Variants in KIF5A observed in about 807,000 individuals in gnomAD.
KIF5A encodes kinesin heavy chain isoform 5A.
A neutral mutation model predicts 141.3 loss-of-function variants in KIF5A; 35 were observed. The observed-to-expected ratio is 0.25, with a 90% CI of 0.19 to 0.33. KIF5A has a LOEUF of 0.33. KIF5A is among the 10% of genes least tolerant of loss of function. The pLI, the probability that KIF5A is intolerant of heterozygous loss-of-function variation, is 1.00. For synonymous variants in KIF5A, 448 were observed against 500.2 expected (o/e 0.90, Z 1.39); for missense variants, 861 against 1,314.3 (o/e 0.66, Z 5.33).
At chr12:57,578,921 G>A (rs535182717) in intron 23 of KIF5A, among the ~76,000 whole-genome samples, 8 of 152,198 alleles carry the variant, frequency 5.3e-5, no homozygotes, top group South Asian at 2.1e-4. Flanking sequence ...AAAATTAGCC[G>A]GATGTGGTGG....
At chr12:57,578,121 C>A (rs752650974) in intron 22 of KIF5A, 41 bp downstream of exon 22, 13 of 1,591,390 alleles carry the variant, frequency 8.2e-6, no homozygotes, top group Non-Finnish European at 1.1e-5. Flanking sequence ...CCCACATCCT[C>A]CTCCTATCCT....
At chr12:57,579,897 C>CA (rs1565704087) in intron 23 of KIF5A, among the ~76,000 whole-genome samples, 1 of 151,582 alleles carries the variant, frequency 6.6e-6, no homozygotes, top group Non-Finnish European at 1.5e-5. Context: ...TTCAAAGTCC[C>CA]AAAAAAACAA....
intron 9 of KIF5A, 41 bp downstream of exon 9, chr12:57,569,108 C>A (rs758722162): frequency 6.4e-7 from 1 of 1,564,414 alleles, no homozygotes; most frequent in Non-Finnish European, 8.8e-7. Flanking sequence ...AAGCCACACC[C>A]CATCTCCTCC....
rs755635476 is a variant in KIF5A, at chr12:57,572,610, C to A, written c.1600C>A (p.Gln534Lys). The part of the protein sequence containing the change: ...ATMLSLESEL[Q>K]RLQEVSGHQR... ...CATGCTGTCCCTGGAGTCTGAGTTGCAGCGGCTACAGGAGGTCAGTGGACA... is the reference window on the plus strand; with the variant it reads ...CATGCTGTCCCTGGAGTCTGAGTTGAAGCGGCTACAGGAGGTCAGTGGACA... Residue 534 changes from glutamine to lysine, a missense_variant, in exon 15 of 29, where the codon CAG becomes AAG. Physicochemically the swap from Gln to Lys is moderately conservative, Grantham distance 53. Around this residue, in one of 5 missense-constraint regions of KIF5A, gnomAD observed 482 missense variants for 661.3 expected, o/e 0.73. Transcript: ENST00000455537. This position sits in a 1 kb window ranked among gnomAD's most constrained non-coding sequence, Gnocchi z 4.2. The A allele has an allele frequency of 1.2e-6, 2 of 1,614,122 alleles. No individual in the cohort carries two copies. Among genetic ancestry groups the A allele is most frequent in the African/African-American group, 2.7e-5 (2 of 74,952 alleles).
rs761034249 is a variant in KIF5A, at chr12:57,563,699, G to C, written c.291+6G>C. On this transcript the variant is annotated splice_donor_region_variant and intron_variant, in intron 3 of 28. Transcript: ENST00000455537. Reference sequence around the variant, plus strand: ...GGAAAACACATACCATGGAGGTGAGGGTTCTGGCTTTGGTGGTTGAGGGGC... The same window carrying C: ...GGAAAACACATACCATGGAGGTGAGCGTTCTGGCTTTGGTGGTTGAGGGGC... The C allele has an allele frequency of 8.1e-6, 13 of 1,613,438 alleles. No individual in the cohort carries two copies. The East Asian group carries it at 2.9e-4, about 36-fold the overall frequency.
At position 57,567,618 on chromosome 12, in the gene KIF5A, G is replaced by T; in HGVS notation, c.714G>T (p.Lys238Asn). The T allele has an allele frequency of 6.2e-7, 1 of 1,611,970 alleles. No homozygotes were observed. Among genetic ancestry groups the T allele is most frequent in the South Asian group, 1.1e-5 (1 of 90,930 alleles). ...LYLVDLAGSEKVSKTGAEGAV... is the reference protein window; with the variant it reads ...LYLVDLAGSENVSKTGAEGAV... ...TGGTGGACCTGGCAGGGAGTGAGAA[G>T]GTAGGGGGTCCTGTGGATATGGGGT... Residue 238 changes from lysine to asparagine, a missense_variant and splice_region_variant, in exon 8 of 29, where the codon AAG becomes AAT. Lys to Asn is a moderately conservative substitution (Grantham distance 94). Transcript: ENST00000455537.
rs145672138 is a variant in KIF5A at position 57,563,087 on chromosome 12, A to G, written c.130-352A>G. Among the ~76,000 whole-genome samples, 1,356 of 150,796 alleles carry G rather than the reference A, an allele frequency of 9.0e-3. 22 individuals carry two copies. Among genetic ancestry groups the G allele is most frequent in the African/African-American group, 0.031 (1,273 of 41,020 alleles). On this transcript the variant is annotated intron_variant, in intron 1 of 28. Coordinates refer to ENST00000455537, the MANE Select transcript of KIF5A (RefSeq NM_004984.4). ...AGTGGCGCAATCTCGGCTCACTGCA[A>G]CCTCTGCCTCTCGGGTTCAAGCGAT...
intron 1 of KIF5A, among the ~76,000 whole-genome samples, chr12:57,557,885 G>A (rs904956130): frequency 6.6e-6 from 1 of 151,894 alleles, no homozygotes; most frequent in African/African-American, 2.4e-5. Context: ...TTTAACTTTC[G>A]AATGTCTTAC....
In KIF5A at chr12:57,585,831, T is replaced by C. The variant is rs868209463; in HGVS notation, c.*1650T>C. 4.6e-5 allele frequency: 7 copies of C among 151,858 alleles called. No homozygotes were observed. Among genetic ancestry groups the C allele is most frequent in the African/African-American group, 1.7e-4 (7 of 41,306 alleles). The allele number at this position is 151,858 out of a possible 1,614,324, so 9.4% of individuals were successfully genotyped here. A position where few individuals can be genotyped will look rare whatever the true frequency, so the allele number is the denominator to read the frequency against. On this transcript the variant is annotated 3_prime_UTR_variant, in exon 29 of 29. Coordinates refer to ENST00000455537, the MANE Select transcript of KIF5A (RefSeq NM_004984.4). ...GGAGTGTGGAATAAATCCAAAGCAG[T>C]GATTTTTAAATGTTTTTCAAAAACA...
chr12:57,553,480 T>G (rs1452986970), intron 1 of KIF5A, among the ~76,000 whole-genome samples: 1 of 152,120 alleles, frequency 6.6e-6, no homozygotes, highest in Non-Finnish European at 1.5e-5. Context: ...TGTCCTTTGC[T>G]TTGGGGGAGT....
At chr12:57,574,377 ATTC>A (rs1882356433) in intron 15 of KIF5A, among the ~76,000 whole-genome samples, 1 of 149,842 alleles carries the variant, frequency 6.7e-6, no homozygotes, top group Non-Finnish European at 1.5e-5. Context: ...GGTTCAAGCA[ATTC>A]TTCTGCTTCA....
Position 57,575,747 on chromosome 12 carries a change from C to T in KIF5A, c.2013C>T (p.Leu671=). 1 of 1,612,962 alleles carries T rather than the reference C, an allele frequency of 6.2e-7. No homozygotes were observed. The highest frequency in any genetic ancestry group is 8.5e-7 in the Non-Finnish European group (1 of 1,178,926). ...CCTTGAGCGATGAGCTGGCCAAGCTCCAGGCCCAGGGTGAGGCCTTCTTAT... is the reference window on the plus strand; with the variant it reads ...CCTTGAGCGATGAGCTGGCCAAGCTTCAGGCCCAGGGTGAGGCCTTCTTAT... The part of the protein sequence containing the change: ...YDSLSDELAK[L]QAQETVHEVA... The change falls in exon 17 of 29, where the codon CTC becomes CTT. Residue 671 remains leucine, a synonymous_variant. Coordinates refer to ENST00000455537, the MANE Select transcript of KIF5A (RefSeq NM_004984.4).
chr12:57,575,777 C>T lies in KIF5A; in HGVS notation c.2023+20C>T, dbSNP rs769235276. ...CCCAGGGTGAGGCCTTCTTATACCT[C>T]CATCCCACTGTCCAGGGCAGAAAAG... On this transcript the variant is annotated intron_variant, in intron 17 of 28. Coordinates refer to ENST00000455537, the MANE Select transcript of KIF5A (RefSeq NM_004984.4). 3.3e-6 allele frequency: 5 copies of T among 1,508,764 alleles called. No homozygotes were observed. In the South Asian group the frequency reaches 5.6e-5, roughly 17 times the overall value. The allele number at this position is 1,508,764 out of a possible 1,614,324, so 93.5% of individuals were successfully genotyped here.
At chr12:57,582,701 C>T (rs1246357160) in intron 27 of KIF5A, 72 bp downstream of exon 27, 1 of 1,285,958 alleles carries the variant, frequency 7.8e-7, no homozygotes, top group Non-Finnish European at 1.1e-6. Context: ...CCCTTGTGCC[C>T]CACTTGGAGG....
At position 57,550,227 on chromosome 12, in the gene KIF5A, C is replaced by T. The variant is rs760763129; in HGVS notation, c.-45C>T. The T allele has an allele frequency of 2.4e-5, 39 of 1,612,610 alleles. No homozygotes were observed. The highest frequency in any genetic ancestry group is 3.2e-5 in the Non-Finnish European group (38 of 1,179,804). ...GCCCTCTCCTCTGGAGCACACACCA[C>T]CCCTGCAGCCCAAGAAGAGTCCCAG... On this transcript the variant is annotated 5_prime_UTR_variant, in exon 1 of 29. Transcript: ENST00000455537. This position sits in a 1 kb window ranked among gnomAD's most constrained non-coding sequence, Gnocchi z 4.6.
At position 57,550,437 on chromosome 12, in the gene KIF5A, A is replaced by T; in HGVS notation, c.129+37A>T. 8 of 1,610,742 alleles carry T rather than the reference A, an allele frequency of 5.0e-6. No homozygotes were observed. The highest frequency in any genetic ancestry group is 6.8e-6 in the Non-Finnish European group (8 of 1,177,634). On this transcript the variant is annotated intron_variant, in intron 1 of 28. Transcript: ENST00000455537. This position sits in a 1 kb window ranked among gnomAD's most constrained non-coding sequence, Gnocchi z 4.6. ...CCAGGAGGGAATTCGGGGAGGGGGC[A>T]GGTGGCTGAATCTCCCCGCCCCCCG...
At chr12:57,563,416 G>A in intron 1 of KIF5A, 23 bp from the exon 2 acceptor site, 1 of 1,563,770 alleles carries the variant, frequency 6.4e-7, no homozygotes, top group Non-Finnish European at 8.8e-7. Context: ...GTTGACGTCT[G>A]ATATCTTTTA....
intron 20 of KIF5A, 38 bp from the exon 21 acceptor site, chr12:57,577,675 G>C: frequency 6.6e-7 from 1 of 1,520,142 alleles, no homozygotes; most frequent in Non-Finnish European, 9.1e-7. Flanking sequence ...GGAGAGTCCT[G>C]AGGGATCTTT....
Position 57,572,770 on chromosome 12 carries a change from T to G in KIF5A, c.1716+44T>G. On this transcript the variant is annotated intron_variant, in intron 15 of 28. Coordinates refer to ENST00000455537, the MANE Select transcript of KIF5A (RefSeq NM_004984.4). This position sits in a 1 kb window ranked among gnomAD's most constrained non-coding sequence, Gnocchi z 4.2. ...CAGCCTTGTTCAGGCTGGGCACTAG[T>G]GGAAGACGCAAGATGAGCCATCCAG... is the stretch of plus-strand genomic sequence containing the variant. 6.2e-7 allele frequency: 1 copy of G among 1,612,690 alleles called. No homozygotes were observed. The highest frequency in any genetic ancestry group is 8.5e-7 in the Non-Finnish European group (1 of 1,178,804).
Sources: allele counts gnomAD v4.1 joint callset (sites outside exome capture counted in the v4.1 genomes callset), GRCh38; gene constraint gnomAD v4.1.1; regional missense constraint gnomAD v4.1.1; non-coding constraint Gnocchi (gnomAD v3.1); transcripts MANE v1.5; gene names NCBI Gene and HGNC (gene_info 2026-07-23, HGNC 2026-07-21).